The following PXDNL variants were observed in gnomAD, a reference collection of about 807,000 sequenced individuals.
PXDNL encodes the protein probable oxidoreductase PXDNL.
A neutral mutation model predicts 150.8 loss-of-function variants in PXDNL; 145 were observed. The observed-to-expected ratio is 0.96, with a 90% CI of 0.84 to 1.10. The LOEUF is 1.10. Among genes scored for constraint, PXDNL ranks in the 50% least tolerant of loss-of-function variants. PXDNL has a pLI of 0.00. For synonymous variants in PXDNL, 757 were observed against 725.7 expected (o/e 1.04, Z -0.69); for missense variants, 2,087 against 1,873.9 (o/e 1.11, Z -2.10).
chr8:51,680,738 T>C (rs1815727226), intron 1 of PXDNL, among the ~76,000 whole-genome samples: 2 of 152,196 alleles, frequency 1.3e-5, no homozygotes, highest in East Asian at 3.8e-4. Context: ...TACTGCTCGC[T>C]CGCTGTGTGA....
intron 14 of PXDNL, among the ~76,000 whole-genome samples, chr8:51,415,473 C>G (rs1808771533): frequency 6.6e-6 from 1 of 152,122 alleles, no homozygotes; most frequent in South Asian, 2.1e-4. Context: ...CAATTTTAAA[C>G]AACCAGATCT....
At chr8:51,507,792 G>C (rs1321882710) in intron 4 of PXDNL, among the ~76,000 whole-genome samples, 1 of 152,154 alleles carries the variant, frequency 6.6e-6, no homozygotes, top group Non-Finnish European at 1.5e-5. Context: ...GCCTCCAGTG[G>C]GGAGGGACCA....
At chr8:51,411,546 C>T (rs1586084948) in intron 15 of PXDNL, 139 bp from the exon 16 acceptor site, 1 of 716,266 alleles carries the variant, frequency 1.4e-6, no homozygotes, top group Non-Finnish European at 2.1e-6. Flanking sequence ...AGAGGCTCTA[C>T]AGAGGAGCTG....
intron 4 of PXDNL, among the ~76,000 whole-genome samples, chr8:51,510,567 C>T (rs1031572197): frequency 6.6e-6 from 1 of 152,106 alleles, no homozygotes; most frequent in Non-Finnish European, 1.5e-5. Context: ...AACTATAGGC[C>T]ACATGCAGAG....
intron 1 of PXDNL, among the ~76,000 whole-genome samples, chr8:51,673,008 AGAG>A (rs1815532148): frequency 6.6e-6 from 1 of 152,194 alleles, no homozygotes; most frequent in Non-Finnish European, 1.5e-5. Context: ...AAATCATATT[AGAG>A]GAGAAACGAT....
intron 1 of PXDNL, among the ~76,000 whole-genome samples, chr8:51,662,782 G>A (rs1270650033): frequency 6.6e-6 from 1 of 152,166 alleles, no homozygotes; most frequent in Non-Finnish European, 1.5e-5. Flanking sequence ...TGTACTTTAT[G>A]AGTCTTACTG....
At chr8:51,777,913 A>C (rs2037369787) in intron 1 of PXDNL, among the ~76,000 whole-genome samples, 1 of 152,118 alleles carries the variant, frequency 6.6e-6, no homozygotes, top group Non-Finnish European at 1.5e-5. Context: ...CAAAAACAAA[A>C]CAAAACAACA....
intron 2 of PXDNL, among the ~76,000 whole-genome samples, chr8:51,646,050 T>C (rs1053945884): frequency 3.0e-5 from 4 of 132,682 alleles, no homozygotes; most frequent in Admixed American, 1.6e-4. Context: ...GACTGTGTTA[T>C]GGGATGAACT....
chr8:51,330,445 A>T lies in PXDNL; in HGVS notation c.4146+9179T>A, dbSNP rs189700123. 2.6e-3 allele frequency among the ~76,000 whole-genome samples: 397 copies of T among 152,312 alleles called. 3 individuals are homozygous for T. Among genetic ancestry groups the T allele is most frequent in the African/African-American group, 9.1e-3 (379 of 41,568 alleles). Reference sequence around the variant, plus strand: ...TTATAATTCCATATGAATTTTCGACAGGCTGTTTCATTTCTGCAAAAACGG... The same window carrying T: ...TTATAATTCCATATGAATTTTCGACTGGCTGTTTCATTTCTGCAAAAACGG... On this transcript the variant is annotated intron_variant, in intron 21 of 22. Transcript: ENST00000356297.
chr8:51,699,447 C>T (rs1326028767), intron 1 of PXDNL, among the ~76,000 whole-genome samples: 1 of 152,186 alleles, frequency 6.6e-6, no homozygotes. Context: ...CTGTGTTAGG[C>T]TTTGGCTTAA....
chr8:51,326,610 A>G (rs1043232774), intron 21 of PXDNL, among the ~76,000 whole-genome samples: 2 of 152,254 alleles, frequency 1.3e-5, no homozygotes, highest in Non-Finnish European at 2.9e-5. Flanking sequence ...TACTTAATTT[A>G]TTCAAACTAT....
chr8:51,528,589 T>C (rs73583082), intron 4 of PXDNL, among the ~76,000 whole-genome samples: 4,310 of 152,294 alleles, frequency 0.028, 172 homozygotes, highest in African/African-American at 0.098. Context: ...ATTAAGAGCT[T>C]TGAAATGAGA....
intron 3 of PXDNL, among the ~76,000 whole-genome samples, chr8:51,557,177 G>A (rs1812617761): frequency 6.6e-6 from 1 of 152,142 alleles, no homozygotes; most frequent in Non-Finnish European, 1.5e-5. Flanking sequence ...GACTAATGGA[G>A]TCATATATAC....
chr8:51,372,037 G>A lies in PXDNL; in HGVS notation c.3737C>T (p.Thr1246Ile). ...GCTCAGGGACGCCTGCTTCAGCTGA[G>A]TGAGTTGTGCCGGGGTAAATACTCC... Reference protein sequence around the residue: ...NPGVFTPAQLTQLKQASLSRV... With the variant: ...NPGVFTPAQLIQLKQASLSRV... The change falls in exon 19 of 23, where the codon ACT (threonine) becomes ATT (isoleucine). Residue 1246 changes from threonine to isoleucine, a missense_variant. By Grantham distance (89) the Thr-to-Ile change is moderately conservative. Transcript: ENST00000356297. 1 of 1,609,350 alleles carries A rather than the reference G, an allele frequency of 6.2e-7. No individual in the cohort carries two copies. The highest frequency in any genetic ancestry group is 8.5e-7 in the Non-Finnish European group (1 of 1,177,652).
At chr8:51,753,938 T>C (rs2037071896) in intron 1 of PXDNL, among the ~76,000 whole-genome samples, 1 of 152,212 alleles carries the variant, frequency 6.6e-6, no homozygotes, top group Non-Finnish European at 1.5e-5. Flanking sequence ...CTCAACCGAT[T>C]AATATGCCTC....
At chr8:51,364,740 G>A (rs1357173549) in intron 19 of PXDNL, among the ~76,000 whole-genome samples, 1 of 152,082 alleles carries the variant, frequency 6.6e-6, no homozygotes, top group Non-Finnish European at 1.5e-5. Flanking sequence ...CTACATCATA[G>A]GTTAAAGAGA....
At chr8:51,806,571 A>T (rs1227863335) in intron 1 of PXDNL, among the ~76,000 whole-genome samples, 2 of 152,188 alleles carry the variant, frequency 1.3e-5, no homozygotes, top group Non-Finnish European at 2.9e-5. Context: ...CAGGCTTTAC[A>T]TATACTTCTC....
chr8:51,771,971 C>T (rs1288168813), intron 1 of PXDNL, among the ~76,000 whole-genome samples: 1 of 151,986 alleles, frequency 6.6e-6, no homozygotes, highest in Non-Finnish European at 1.5e-5. Context: ...AGTATCCAGC[C>T]AGAAAAGAGA....
intron 22 of PXDNL, 54 bp from the exon 23 acceptor site, chr8:51,320,076 A>C: frequency 7.8e-7 from 1 of 1,289,476 alleles, no homozygotes; most frequent in Non-Finnish European, 1.0e-6. Flanking sequence ...CAAAGTACTT[A>C]AAAGACAAAT....
Sources: allele counts gnomAD v4.1 joint callset (sites outside exome capture counted in the v4.1 genomes callset), GRCh38; gene constraint gnomAD v4.1.1; transcripts MANE v1.5; gene names NCBI Gene and HGNC (gene_info 2026-07-23, HGNC 2026-07-21).